MYH8: variants seen among roughly 807,000 people sequenced by gnomAD.
MYH8 encodes the protein myosin-8.
A neutral mutation model predicts 233.2 loss-of-function variants in MYH8; 168 were observed. The ratio of observed to expected loss-of-function variants is 0.72; its 90% confidence interval spans 0.64 to 0.82. The LOEUF is 0.82. Ranked by LOEUF, MYH8 falls within the 40% of genes least tolerant of loss-of-function variation. The pLI, the probability that MYH8 is intolerant of heterozygous loss-of-function variation, is 0.00. For missense variants in MYH8, 1,995 were observed against 2,327.8 expected, an observed-to-expected ratio of 0.86 and a Z score of 2.94; for synonymous variants, 785 against 850.6, an observed-to-expected ratio of 0.92 and a Z score of 1.34.
intron 34 of MYH8, among the ~76,000 whole-genome samples, chr17:10,394,878 A>G (rs1174518442): frequency 2.6e-5 from 4 of 152,142 alleles, no homozygotes; most frequent in South Asian, 2.1e-4. Flanking sequence ...CTAAGACTCA[A>G]CCTCAGGCCT....
At position 10,420,100 on chromosome 17, in the gene MYH8, G is replaced by A. The variant is rs768031337; in HGVS notation, c.128C>T (p.Ala43Val). The A allele has an allele frequency of 3.7e-5, 59 of 1,614,158 alleles. No homozygotes were observed. In the Middle Eastern group the frequency reaches 1.6e-3, roughly 45 times the overall value. Residue 43 changes from alanine to valine, a missense_variant, in exon 3 of 40, where the codon GCG (alanine) becomes GTG (valine). Physicochemically the swap from Ala to Val is moderately conservative, Grantham distance 64. This residue lies in a region of MYH8 where 479 missense variants were observed against 600.9 expected (regional missense o/e 0.80). Coordinates refer to ENST00000403437, the MANE Select transcript of MYH8 (RefSeq NM_002472.3). ...CTTCACATAGGATTCCTTGGGCTCCGCCACAAAGACAGATGTTTTAGCATC... is the reference window on the plus strand; with the variant it reads ...CTTCACATAGGATTCCTTGGGCTCCACCACAAAGACAGATGTTTTAGCATC... ...PFDAKTSVFV[A>V]EPKESYVKST...
In MYH8 at chr17:10,396,692, A is replaced by G. The variant is rs2072081896; in HGVS notation, c.4389T>C (p.Tyr1463=). The change falls in exon 32 of 40, where the codon TAT becomes TAC. Residue 1463 remains tyrosine, a synonymous_variant. Transcript: ENST00000403437. This position sits in a 1 kb window ranked among gnomAD's most constrained non-coding sequence, Gnocchi z 4.2. The part of the protein sequence containing the change: ...DKVLSEWKQK[Y]EETQAELEAS... ...CCTCAAGTTCAGCCTGAGTTTCCTCATACTTCTGCTTCCATTCTGATAGGA... is the reference window on the plus strand; with the variant it reads ...CCTCAAGTTCAGCCTGAGTTTCCTCGTACTTCTGCTTCCATTCTGATAGGA... The G allele has an allele frequency of 6.2e-7, 1 of 1,614,220 alleles. No individual in the cohort carries two copies. The highest frequency in any genetic ancestry group is 8.5e-7 in the Non-Finnish European group (1 of 1,180,044).
Position 10,393,159 on chromosome 17 carries a change from G to A in MYH8, c.5218C>T (p.Leu1740Phe), listed in dbSNP as rs769699528. 18 of 1,614,048 alleles carry A rather than the reference G, an allele frequency of 1.1e-5. No individual in the cohort carries two copies. Among genetic ancestry groups the A allele is most frequent in the Non-Finnish European group, 1.5e-5 (18 of 1,180,052 alleles). Residue 1740 changes from leucine (L) to phenylalanine (F), a missense_variant, in exon 36 of 40, where the codon CTC becomes TTC. Coordinates refer to ENST00000403437, the MANE Select transcript of MYH8 (RefSeq NM_002472.3). ...KKKLENDVSQ[L>F]QSEVEEVIQE... ...ATTACTTCTTCCACTTCACTTTGGA[G>A]TTGGGAAACGTCATTTTCTAATTTC...
chr17:10,406,427 A>G (rs769018943), intron 19 of MYH8, 30 bp from the exon 20 acceptor site: 67 of 1,613,624 alleles, frequency 4.2e-5, no homozygotes, highest in Admixed American at 3.3e-5. Flanking sequence ...AAGAATGGTT[A>G]GGAAAATGTG....
Position 10,418,752 on chromosome 17 carries a change from G to T in MYH8, c.404C>A (p.Pro135Gln), listed in dbSNP as rs768737214. ...CVTVNPYKWLPVYKPEVVAAY... is the reference protein window; with the variant it reads ...CVTVNPYKWLQVYKPEVVAAY... The stretch of plus-strand genomic sequence containing the variant: ...AGCCACCACCTCGGGCTTGTACACC[G>T]GCAGCCACTTGTAGGGGTTGACGGT... Residue 135 changes from proline (P) to glutamine (Q), a missense_variant, in exon 5 of 40, where the codon CCG becomes CAG. By Grantham distance (76) the Pro-to-Gln change is moderately conservative. This residue lies in a region of MYH8 where 479 missense variants were observed against 600.9 expected (regional missense o/e 0.80). Coordinates refer to ENST00000403437, the MANE Select transcript of MYH8 (RefSeq NM_002472.3). 6.2e-7 allele frequency: 1 copy of T among 1,613,884 alleles called. No homozygotes were observed. The highest frequency in any genetic ancestry group is 8.5e-7 in the Non-Finnish European group (1 of 1,179,844).
Position 10,419,996 on chromosome 17 carries a change from T to C in MYH8, c.210+22A>G, listed in dbSNP as rs756221040. On this transcript the variant is annotated intron_variant, in intron 3 of 39. Transcript: ENST00000403437. The surrounding 1 kb of genome is among the most constrained non-coding windows in gnomAD (Gnocchi z 4.0). ...GAACCAAGAAATAAAATGGGGAGTA[T>C]TTTCTCCCTGTTTTCACTTACTGCT... 6.2e-7 allele frequency: 1 copy of C among 1,608,316 alleles called. No individual in the cohort carries two copies. Among genetic ancestry groups the C allele is most frequent in the East Asian group, 2.2e-5 (1 of 44,860 alleles).
chr17:10,411,299 C>T (rs1373055759), intron 14 of MYH8, among the ~76,000 whole-genome samples: 1 of 151,842 alleles, frequency 6.6e-6, no homozygotes, highest in Non-Finnish European at 1.5e-5. Flanking sequence ...TTGCTTGAAC[C>T]CTGGAGGTGG....
intron 18 of MYH8, 29 bp downstream of exon 18, chr17:10,406,863 G>C (rs377238561): frequency 6.2e-7 from 1 of 1,612,224 alleles, no homozygotes; most frequent in Non-Finnish European, 8.5e-7. Flanking sequence ...ACCTGTGCCC[G>C]TTTGATTATT....
At chr17:10,418,549 T>C in intron 5 of MYH8, 96 bp downstream of exon 5, 1 of 1,606,456 alleles carries the variant, frequency 6.2e-7, no homozygotes, top group Non-Finnish European at 8.5e-7. Context: ...GTGGCTAGAA[T>C]GTATTATCAT....
At chr17:10,391,232 T>A (rs2072019700) in intron 39 of MYH8, among the ~76,000 whole-genome samples, 1 of 152,222 alleles carries the variant, frequency 6.6e-6, no homozygotes, top group Non-Finnish European at 1.5e-5. Context: ...AGATTGATGT[T>A]TGGCTTTTGA....
rs774890441 is a variant in MYH8, at chr17:10,395,130, T to C, written c.4962+3A>G. The stretch of plus-strand genomic sequence containing the variant: ...TCTGGGAGGCGAATGTGGACCCGTT[T>C]ACCTTCAGGATTCCTTGGGTGTTCC... On this transcript the variant is annotated splice_donor_region_variant and intron_variant, in intron 34 of 39. Coordinates refer to ENST00000403437, the MANE Select transcript of MYH8 (RefSeq NM_002472.3). 1.9e-6 allele frequency: 3 copies of C among 1,612,882 alleles called. No individual in the cohort carries two copies. Among genetic ancestry groups the C allele is most frequent in the African/African-American group, 2.7e-5 (2 of 74,908 alleles).
intron 21 of MYH8, 141 bp from the exon 22 acceptor site, chr17:10,404,726 T>TACACAC (rs60545187): frequency 7.7e-6 from 6 of 777,516 alleles, no homozygotes; most frequent in Admixed American, 2.4e-5. Context: ...ATGCAGGCTT[T>TACACAC]ACACACACAC....
In MYH8 at chr17:10,400,083, G is replaced by A. The variant is rs1227987449; in HGVS notation, c.3735+307C>T. Reference sequence around the variant, plus strand: ...CTAGGCGTGCTGGCGGGCGCCTGTAGTCCCAGCTACTGGGGAGGCTGAGGC... The same window carrying A: ...CTAGGCGTGCTGGCGGGCGCCTGTAATCCCAGCTACTGGGGAGGCTGAGGC... On this transcript the variant is annotated intron_variant, in intron 27 of 39. Transcript: ENST00000403437. The surrounding 1 kb of genome is among the most constrained non-coding windows in gnomAD (Gnocchi z 4.0). 6.6e-6 allele frequency among the ~76,000 whole-genome samples: 1 copy of A among 152,110 alleles called. No homozygotes were observed. Among genetic ancestry groups the A allele is most frequent in the Non-Finnish European group, 1.5e-5 (1 of 68,006 alleles).
Position 10,393,105 on chromosome 17 carries a change from C to A in MYH8, c.5272G>T (p.Ala1758Ser). Residue 1758 changes from alanine (A) to serine (S), a missense_variant, in exon 36 of 40, where the codon GCC (alanine) becomes TCC (serine). By Grantham distance (99) the Ala-to-Ser change is moderately conservative. Coordinates refer to ENST00000403437, the MANE Select transcript of MYH8 (RefSeq NM_002472.3). ...CTTACATCAGTGATGGCCTTCTTGGCTTTCTCTTCTGCATTGCGTGATTCT... is the reference window on the plus strand; with the variant it reads ...CTTACATCAGTGATGGCCTTCTTGGATTTCTCTTCTGCATTGCGTGATTCT... The part of the protein sequence containing the change: ...IQESRNAEEK[A>S]KKAITDAAMM... 1 of 1,614,196 alleles carries A rather than the reference C, an allele frequency of 6.2e-7. No individual in the cohort carries two copies. Among genetic ancestry groups the A allele is most frequent in the Non-Finnish European group, 8.5e-7 (1 of 1,180,044 alleles).
At chr17:10,393,329 A>G in intron 35 of MYH8, 119 bp from the exon 36 acceptor site, 1 of 1,349,952 alleles carries the variant, frequency 7.4e-7, no homozygotes, top group Non-Finnish European at 1.1e-6. Flanking sequence ...CTAAACTTTA[A>G]TTATTTGTTC....
chr17:10,395,021 T>C, intron 34 of MYH8, 112 bp downstream of exon 34: 1 of 1,168,824 alleles, frequency 8.6e-7, no homozygotes, highest in Non-Finnish European at 1.3e-6. Flanking sequence ...CTTTGTGCGG[T>C]CAGCTGTATA....
intron 22 of MYH8, 84 bp downstream of exon 22, chr17:10,404,246 T>C: frequency 6.4e-7 from 1 of 1,560,418 alleles, no homozygotes; most frequent in South Asian, 1.2e-5. Context: ...TTTTTTCAAG[T>C]AGAGATCATT....
chr17:10,410,219 G>A (rs1366652596), intron 15 of MYH8, among the ~76,000 whole-genome samples: 3 of 152,104 alleles, frequency 2.0e-5, no homozygotes. Flanking sequence ...TGAGAGGATC[G>A]CTTGAGCCTT....
intron 12 of MYH8, 96 bp from the exon 13 acceptor site, chr17:10,412,824 A>G (rs2072256406): frequency 1.7e-6 from 2 of 1,182,788 alleles, no homozygotes; most frequent in Non-Finnish European, 1.3e-6. Flanking sequence ...TTATTTAAAT[A>G]AAAAGCTTAA....
Sources: gnomAD v4.1 joint callset for allele counts (sites outside exome capture counted in the v4.1 genomes callset) on GRCh38, gnomAD v4.1.1 for gene constraint, gnomAD v4.1.1 regional missense constraint, Gnocchi (gnomAD v3.1) non-coding constraint, MANE v1.5 for transcripts, NCBI Gene and HGNC (gene_info 2026-07-23, HGNC 2026-07-21) for gene names.